LGR5: variants seen among roughly 807,000 people sequenced by gnomAD.
LGR5 encodes leucine-rich repeat-containing G protein-coupled receptor 5.
In LGR5, 54 loss-of-function variants were observed where a neutral mutation model predicts 76.7. That is an observed-to-expected ratio of 0.70 (90% CI 0.57 to 0.88). The LOEUF (loss-of-function observed/expected upper bound fraction) is 0.88. Among genes scored for constraint, LGR5 ranks in the 40% least tolerant of loss-of-function variants. The pLI is 0.00. For synonymous variants in LGR5, 406 were observed against 421.9 expected (o/e 0.96, Z 0.46); for missense variants, 1,078 against 1,073.3 (o/e 1.00, Z -0.06).
intron 1 of LGR5, among the ~76,000 whole-genome samples, chr12:71,450,653 C>T (rs1872210020): frequency 6.6e-6 from 1 of 152,110 alleles, no homozygotes; most frequent in African/African-American, 2.4e-5. Context: ...ATTAAAATTT[C>T]ATTTATGACT....
At chr12:71,488,095 C>G (rs1873913196) in intron 1 of LGR5, among the ~76,000 whole-genome samples, 1 of 152,114 alleles carries the variant, frequency 6.6e-6, no homozygotes, top group African/African-American at 2.4e-5. Context: ...ATCCAGATGA[C>G]TATATAGGCA....
chr12:71,491,632 G>A (rs918075187), intron 1 of LGR5, among the ~76,000 whole-genome samples: 1 of 151,384 alleles, frequency 6.6e-6, no homozygotes, highest in African/African-American at 2.4e-5. Context: ...AGATTGACAG[G>A]TCTTGGTGTA....
At chr12:71,490,153 A>C (rs1341929108) in intron 1 of LGR5, among the ~76,000 whole-genome samples, 1 of 152,014 alleles carries the variant, frequency 6.6e-6, no homozygotes, top group African/African-American at 2.4e-5. Context: ...AACCCATAAA[A>C]ATCAAATAGT....
At chr12:71,483,699 C>G (rs1873706627) in intron 1 of LGR5, among the ~76,000 whole-genome samples, 1 of 152,084 alleles carries the variant, frequency 6.6e-6, no homozygotes, top group Non-Finnish European at 1.5e-5. Flanking sequence ...TTCTACATGC[C>G]TCTGTTTCTT....
At chr12:71,481,656 A>T (rs1389919896) in intron 1 of LGR5, among the ~76,000 whole-genome samples, 2 of 152,148 alleles carry the variant, frequency 1.3e-5, no homozygotes, top group African/African-American at 4.8e-5. Flanking sequence ...GGAAGATTTC[A>T]TCCTGTTGGC....
chr12:71,514,455 C>T (rs971517679), intron 2 of LGR5, among the ~76,000 whole-genome samples: 8 of 151,852 alleles, frequency 5.3e-5, no homozygotes, highest in African/African-American at 1.9e-4. Context: ...GTAGTCCCAG[C>T]TACTCAGGAG....
intron 1 of LGR5, among the ~76,000 whole-genome samples, chr12:71,504,391 T>G (rs1033052656): frequency 6.6e-6 from 1 of 152,164 alleles, no homozygotes; most frequent in African/African-American, 2.4e-5. Flanking sequence ...TTGAATTCCA[T>G]GTAAGTTCCT....
chr12:71,583,787 A>G lies in LGR5; in HGVS notation c.1777A>G (p.Lys593Glu), dbSNP rs757959216. 16 of 1,613,908 alleles carry G rather than the reference A, an allele frequency of 9.9e-6. No individual in the cohort carries two copies. The South Asian group carries it at 1.8e-4, about 18-fold the overall frequency. ...FRSPLYISPIKLLIGVIAAVN... is the reference protein window; with the variant it reads ...FRSPLYISPIELLIGVIAAVN... Reference sequence around the variant, plus strand: ...ATCCCCTCTGTACATTTCCCCCATTAAACTGTTAATTGGGGTCATCGCAGC... The same window carrying G: ...ATCCCCTCTGTACATTTCCCCCATTGAACTGTTAATTGGGGTCATCGCAGC... The change falls in exon 18 of 18, where the codon AAA (lysine) becomes GAA (glutamate). Residue 593 changes from lysine (K) to glutamate (E), a missense_variant. Lys to Glu is a moderately conservative substitution (Grantham distance 56). Transcript: ENST00000266674.
At chr12:71,550,121 A>C (rs1877399603) in intron 4 of LGR5, among the ~76,000 whole-genome samples, 1 of 152,070 alleles carries the variant, frequency 6.6e-6, no homozygotes, top group Non-Finnish European at 1.5e-5. Flanking sequence ...AATGCATCCC[A>C]GTGTTTGCAA....
intron 1 of LGR5, among the ~76,000 whole-genome samples, chr12:71,489,548 A>G (rs1873974466): frequency 6.6e-6 from 1 of 152,186 alleles, no homozygotes; most frequent in South Asian, 2.1e-4. Flanking sequence ...ACTTGGCATG[A>G]AAGTCTTCTA....
chr12:71,520,599 C>T (rs1470031121), intron 2 of LGR5, among the ~76,000 whole-genome samples: 1 of 151,738 alleles, frequency 6.6e-6, no homozygotes, highest in South Asian at 2.1e-4. Context: ...CCATCATTCT[C>T]AGCAAAGTAA....
At chr12:71,479,946 T>G (rs889280765) in intron 1 of LGR5, among the ~76,000 whole-genome samples, 4 of 152,162 alleles carry the variant, frequency 2.6e-5, no homozygotes, top group African/African-American at 9.7e-5. Flanking sequence ...AGGAATCCAT[T>G]GGAGAATTTT....
intron 1 of LGR5, among the ~76,000 whole-genome samples, chr12:71,442,732 G>C (rs1332672205): frequency 6.6e-6 from 1 of 152,212 alleles, no homozygotes; most frequent in Non-Finnish European, 1.5e-5. Flanking sequence ...CTTACAACCA[G>C]AGGAACGCTG....
intron 2 of LGR5, among the ~76,000 whole-genome samples, chr12:71,508,341 T>C (rs1262639669): frequency 6.6e-6 from 1 of 152,238 alleles, no homozygotes; most frequent in East Asian, 1.9e-4. Context: ...TGTTATAAAC[T>C]GTGTAGATAG....
At chr12:71,517,490 A>G (rs1875502506) in intron 2 of LGR5, among the ~76,000 whole-genome samples, 1 of 152,248 alleles carries the variant, frequency 6.6e-6, no homozygotes, top group Non-Finnish European at 1.5e-5. Flanking sequence ...AACTAATTTA[A>G]AAAAATAAAG....
intron 1 of LGR5, among the ~76,000 whole-genome samples, chr12:71,487,785 C>A (rs1401599202): frequency 1.3e-5 from 2 of 152,206 alleles, no homozygotes; most frequent in Admixed American, 6.5e-5. Flanking sequence ...GTCCAGTCTT[C>A]ATAATCTGTG....
chr12:71,558,935 T>G (rs1002700726), intron 6 of LGR5, among the ~76,000 whole-genome samples: 1 of 152,218 alleles, frequency 6.6e-6, no homozygotes, highest in African/African-American at 2.4e-5. Context: ...CCTTGAGGGA[T>G]AACATAGAGC....
intron 1 of LGR5, among the ~76,000 whole-genome samples, chr12:71,443,778 C>T (rs1871867654): frequency 6.6e-6 from 1 of 152,030 alleles, no homozygotes; most frequent in African/African-American, 2.4e-5. Flanking sequence ...AATAAATATA[C>T]TTTTCTTTAT....
At chr12:71,573,388 T>C (rs1052626135) in intron 13 of LGR5, among the ~76,000 whole-genome samples, 1 of 151,986 alleles carries the variant, frequency 6.6e-6, no homozygotes, top group African/African-American at 2.4e-5. Flanking sequence ...ATCTCTGGAG[T>C]GGGGACTGGG....
Sources: allele counts gnomAD v4.1 joint callset (sites outside exome capture counted in the v4.1 genomes callset), GRCh38; gene constraint gnomAD v4.1.1; transcripts MANE v1.5; gene names NCBI Gene and HGNC (gene_info 2026-07-23, HGNC 2026-07-21).